Variants in ARHGEF12 observed in about 807,000 individuals in gnomAD.
ARHGEF12 encodes KMT2A/ARHGEF12 fusion protein.
Under a neutral mutation model 211.2 loss-of-function variants are expected in ARHGEF12, and 66 were observed. That is an observed-to-expected ratio of 0.31 (90% CI 0.26 to 0.38). The LOEUF is 0.38. ARHGEF12 is among the 10% of genes least tolerant of loss of function. The probability of loss-of-function intolerance (pLI) is 1.00; values close to 1 mark genes in which losing one functional copy is unlikely to be tolerated. For synonymous variants in ARHGEF12, 592 were observed against 638.4 expected (o/e 0.93, Z 1.09); for missense variants, 1,429 against 1,869.5 (o/e 0.76, Z 4.34).
chr11:120,347,270 C>CTGTG (rs55651421), intron 1 of ARHGEF12, among the ~76,000 whole-genome samples: 2,837 of 79,838 alleles, frequency 0.036, 43 homozygotes, highest in African/African-American at 0.059. Flanking sequence ...CTCTCTCTGT[C>CTGTG]TGTGTGTGTG....
At chr11:120,367,605 C>G (rs1329731674) in intron 1 of ARHGEF12, among the ~76,000 whole-genome samples, 1 of 152,054 alleles carries the variant, frequency 6.6e-6, no homozygotes, top group Non-Finnish European at 1.5e-5. Context: ...ACCTCATGAT[C>G]TGCCCACCTT....
chr11:120,469,478 A>G (rs1946804813), intron 30 of ARHGEF12, 90 bp downstream of exon 30: 1 of 1,050,190 alleles, frequency 9.5e-7, no homozygotes, highest in South Asian at 1.7e-5. Context: ...TGTTAAAACT[A>G]TCATTACCTA....
chr11:120,363,156 A>C (rs931525900), intron 1 of ARHGEF12, among the ~76,000 whole-genome samples: 1 of 152,206 alleles, frequency 6.6e-6, no homozygotes, highest in African/African-American at 2.4e-5. Context: ...AAAATTGGCA[A>C]ATGAATGTAC....
chr11:120,467,055 A>G, intron 28 of ARHGEF12, 139 bp from the exon 29 acceptor site: 1 of 578,418 alleles, frequency 1.7e-6, no homozygotes, highest in Admixed American at 3.3e-5. Flanking sequence ...ATATTGTGGC[A>G]ATGATATATC....
chr11:120,465,956 G>A (rs776065726), intron 28 of ARHGEF12, among the ~76,000 whole-genome samples: 70 of 152,226 alleles, frequency 4.6e-4, no homozygotes, highest in Non-Finnish European at 9.3e-4. Context: ...CAAAGCATGA[G>A]AATGGGTTTA....
chr11:120,413,642 T>A (rs546262633), intron 4 of ARHGEF12, among the ~76,000 whole-genome samples: 1 of 152,342 alleles, frequency 6.6e-6, no homozygotes, highest in South Asian at 2.1e-4. Flanking sequence ...CTGGCAAGAC[T>A]GTGCATTTAG....
chr11:120,407,862 A>G, intron 3 of ARHGEF12, 39 bp downstream of exon 3: 1 of 1,555,836 alleles, frequency 6.4e-7, no homozygotes, highest in Admixed American at 1.7e-5. Flanking sequence ...TATTGAGAGT[A>G]GTGAAGTTCA....
intron 26 of ARHGEF12, 112 bp downstream of exon 26, chr11:120,459,432 GA>G (rs1946457407): frequency 2.6e-6 from 3 of 1,145,338 alleles, no homozygotes. Flanking sequence ...TTATGTGTGA[GA>G]ATGTAAGATA....
intron 1 of ARHGEF12, among the ~76,000 whole-genome samples, chr11:120,345,738 A>G (rs1448116942): frequency 1.3e-5 from 2 of 150,010 alleles, no homozygotes; most frequent in Non-Finnish European, 3.0e-5. Flanking sequence ...GGCGTATGTC[A>G]TACTCCTAAA....
chr11:120,355,442 C>T (rs1943106055), intron 1 of ARHGEF12, among the ~76,000 whole-genome samples: 2 of 152,156 alleles, frequency 1.3e-5, no homozygotes, highest in Admixed American at 1.3e-4. Flanking sequence ...AATAATTGTA[C>T]AAGGCAAATG....
intron 15 of ARHGEF12, among the ~76,000 whole-genome samples, chr11:120,442,475 C>T (rs1439740437): frequency 4.0e-5 from 6 of 151,220 alleles, no homozygotes; most frequent in Admixed American, 4.0e-4. Context: ...CACACACACA[C>T]ACACACATAT....
chr11:120,406,648 T>C (rs1388130987), intron 2 of ARHGEF12, among the ~76,000 whole-genome samples: 1 of 152,202 alleles, frequency 6.6e-6, no homozygotes, highest in Admixed American at 6.5e-5. Flanking sequence ...AAGCACCGCC[T>C]CCCGGGTTCA....
chr11:120,457,059 G>T, intron 22 of ARHGEF12, 59 bp from the exon 23 acceptor site: 3 of 1,535,608 alleles, frequency 2.0e-6, no homozygotes, highest in Admixed American at 2.0e-5. Flanking sequence ...AATTTTTTTT[G>T]GTGACCAGTG....
intron 1 of ARHGEF12, among the ~76,000 whole-genome samples, chr11:120,404,364 A>G (rs565987366): frequency 1.3e-5 from 2 of 152,256 alleles, no homozygotes; most frequent in African/African-American, 4.8e-5. Context: ...AAGCATATAT[A>G]TACACACATA....
intron 1 of ARHGEF12, among the ~76,000 whole-genome samples, chr11:120,395,336 G>A (rs922547680): frequency 2.0e-5 from 3 of 152,078 alleles, no homozygotes; most frequent in Admixed American, 2.0e-4. Flanking sequence ...GTAAATGGAT[G>A]GTAAATGGTG....
chr11:120,360,781 T>C (rs1943255597), intron 1 of ARHGEF12, among the ~76,000 whole-genome samples: 1 of 152,096 alleles, frequency 6.6e-6, no homozygotes, highest in Admixed American at 6.6e-5. Flanking sequence ...GTTTGCTACA[T>C]ATAAAAGAGA....
At chr11:120,458,582 C>T (rs1946431428) in intron 25 of ARHGEF12, 1 of 253,824 alleles carries the variant, frequency 3.9e-6, no homozygotes, top group Admixed American at 5.2e-5. Flanking sequence ...TAAGATCATA[C>T]AGCTAATAAC....
chr11:120,476,481 C>T (rs2135981959), intron 33 of ARHGEF12, 180 bp from the exon 34 acceptor site: 1 of 444,572 alleles, frequency 2.2e-6, no homozygotes, highest in South Asian at 6.2e-5. Flanking sequence ...AAATATAGTA[C>T]AATAAATACG....
intron 1 of ARHGEF12, among the ~76,000 whole-genome samples, chr11:120,375,151 C>G (rs1304281483): frequency 6.6e-6 from 1 of 152,160 alleles, no homozygotes; most frequent in Admixed American, 6.5e-5. Context: ...CCACAGTTAG[C>G]CACTGTATGT....
Sources: allele counts gnomAD v4.1 joint callset (sites outside exome capture counted in the v4.1 genomes callset), GRCh38; gene constraint gnomAD v4.1.1; transcripts MANE v1.5; gene names NCBI Gene and HGNC (gene_info 2026-07-23, HGNC 2026-07-21).